Variants in NYAP2 observed in about 807,000 individuals in gnomAD.
NYAP2 encodes neuronal tyrosine-phosphorylated phosphoinositide-3-kinase adapter 2.
Under a neutral mutation model 50.4 loss-of-function variants are expected in NYAP2, and 23 were observed. That is an observed-to-expected ratio of 0.46 (90% CI 0.33 to 0.65). The LOEUF (loss-of-function observed/expected upper bound fraction) is 0.65. Among genes scored for constraint, NYAP2 ranks in the 30% least tolerant of loss-of-function variants. The pLI is 0.02. For missense variants in NYAP2, 885 were observed against 861.0 expected (o/e 1.03, Z -0.35); for synonymous variants, 394 against 365.2 (o/e 1.08, Z -0.90).
intron 5 of NYAP2, among the ~76,000 whole-genome samples, chr2:225,583,442 C>G (rs1264394397): frequency 1.3e-5 from 2 of 152,032 alleles, no homozygotes; most frequent in Non-Finnish European, 2.9e-5. Context: ...TGTTAATTCA[C>G]TTTTGCCACA....
intron 5 of NYAP2, among the ~76,000 whole-genome samples, chr2:225,623,331 T>A (rs1293170764): frequency 6.6e-6 from 1 of 152,206 alleles, no homozygotes; most frequent in Non-Finnish European, 1.5e-5. Context: ...CCTAACTTAG[T>A]ATGTAAATAA....
At chr2:225,686,528 G>A in the NYAP2 span, among the ~76,000 whole-genome samples, 1 of 152,254 alleles carries the variant, frequency 6.6e-6, no homozygotes, top group South Asian at 2.1e-4. Flanking sequence ...AAATATGTAT[G>A]TAAGGATTAC....
chr2:225,596,946 A>C (rs1037712491), intron 5 of NYAP2, among the ~76,000 whole-genome samples: 5 of 152,176 alleles, frequency 3.3e-5, no homozygotes, highest in African/African-American at 9.7e-5. Context: ...AAAATAAAGT[A>C]AGAATAAAAG....
intron 3 of NYAP2, among the ~76,000 whole-genome samples, chr2:225,450,851 C>T (rs1689638329): frequency 6.6e-6 from 1 of 152,184 alleles, no homozygotes; most frequent in Non-Finnish European, 1.5e-5. Context: ...CTTCACAGTC[C>T]TGATGGCCCT....
chr2:225,419,106 T>C (rs1405124144), intron 3 of NYAP2, among the ~76,000 whole-genome samples: 18 of 152,198 alleles, frequency 1.2e-4, no homozygotes, highest in Admixed American at 1.2e-3. Flanking sequence ...AGTGAAATCA[T>C]GCAGTCGGCG....
chr2:225,680,157 C>A, the NYAP2 span, among the ~76,000 whole-genome samples: 1 of 152,144 alleles, frequency 6.6e-6, no homozygotes, highest in South Asian at 2.1e-4. Flanking sequence ...CTCACTTGCT[C>A]CAAGGCATCA....
At chr2:225,687,390 A>G in the NYAP2 span, among the ~76,000 whole-genome samples, 6 of 152,172 alleles carry the variant, frequency 3.9e-5, no homozygotes, top group Non-Finnish European at 7.4e-5. Flanking sequence ...AAGTCACAAG[A>G]TAGAAGGTGC....
chr2:225,644,499 G>A (rs1484217891), intron 6 of NYAP2, among the ~76,000 whole-genome samples: 5 of 150,774 alleles, frequency 3.3e-5, no homozygotes, highest in African/African-American at 9.8e-5. Flanking sequence ...TGGTGTTTTA[G>A]ACATGAAGTC....
At chr2:225,503,685 C>T (rs958077088) in intron 3 of NYAP2, among the ~76,000 whole-genome samples, 3 of 152,092 alleles carry the variant, frequency 2.0e-5, no homozygotes, top group East Asian at 1.9e-4. Context: ...AATAGCACTT[C>T]GTGATAAATA....
At chr2:225,458,276 G>C (rs1456863928) in intron 3 of NYAP2, among the ~76,000 whole-genome samples, 37 of 152,076 alleles carry the variant, frequency 2.4e-4, no homozygotes. Context: ...CGCTTGAGTG[G>C]GGAGGTTGAG....
chr2:225,480,159 A>G (rs545146793), intron 3 of NYAP2, among the ~76,000 whole-genome samples: 2 of 152,228 alleles, frequency 1.3e-5, no homozygotes, highest in Admixed American at 1.3e-4. Context: ...AATAATTTTT[A>G]GAAGGTATTT....
chr2:225,662,192 A>G, the NYAP2 span, among the ~76,000 whole-genome samples: 1 of 152,336 alleles, frequency 6.6e-6, no homozygotes, highest in East Asian at 1.9e-4. Flanking sequence ...CAAGAGCAAA[A>G]TCTCCAAAGT....
At chr2:225,599,791 ATC>A (rs1692665217) in intron 5 of NYAP2, among the ~76,000 whole-genome samples, 1 of 152,202 alleles carries the variant, frequency 6.6e-6, no homozygotes, top group African/African-American at 2.4e-5. Context: ...AATGTTTAAG[ATC>A]TGTGTTACTG....
chr2:225,654,535 T>G (rs1180372349), downstream of NYAP2, among the ~76,000 whole-genome samples: 1 of 151,756 alleles, frequency 6.6e-6, no homozygotes, highest in Non-Finnish European at 1.5e-5. Context: ...ATACAAAAAA[T>G]TAGCTGGACG....
chr2:225,664,249 G>A, the NYAP2 span, among the ~76,000 whole-genome samples: 1 of 152,128 alleles, frequency 6.6e-6, no homozygotes. Flanking sequence ...ACCATGGAAT[G>A]CTTTTTGCAT....
intron 3 of NYAP2, among the ~76,000 whole-genome samples, chr2:225,488,860 G>A (rs547771060): frequency 1.3e-5 from 2 of 152,328 alleles, no homozygotes; most frequent in Non-Finnish European, 2.9e-5. Context: ...AATGGTTGGT[G>A]AGTTTGATTT....
chr2:225,663,465 G>T, the NYAP2 span, among the ~76,000 whole-genome samples: 1 of 152,134 alleles, frequency 6.6e-6, no homozygotes, highest in Admixed American at 6.5e-5. Context: ...ACCTGGCCCT[G>T]GTTTTCCTGT....
intron 4 of NYAP2, among the ~76,000 whole-genome samples, chr2:225,549,637 C>CT (rs1299254107): frequency 6.6e-6 from 1 of 152,100 alleles, no homozygotes; most frequent in Non-Finnish European, 1.5e-5. Flanking sequence ...TGACATTTAG[C>CT]TATCGAGTTA....
At chr2:225,511,774 G>T (rs759716911) in intron 3 of NYAP2, among the ~76,000 whole-genome samples, 12 of 152,066 alleles carry the variant, frequency 7.9e-5, no homozygotes, top group Non-Finnish European at 1.8e-4. Context: ...GTTCCTACTG[G>T]AATGTTAAAA....
Sources: allele counts gnomAD v4.1 joint callset (sites outside exome capture counted in the v4.1 genomes callset), GRCh38; gene constraint gnomAD v4.1.1; transcripts MANE v1.5; gene names NCBI Gene and HGNC (gene_info 2026-07-23, HGNC 2026-07-21).